The following PLCH2 variants were observed in gnomAD, a reference collection of about 807,000 sequenced individuals.
PLCH2 encodes 1-phosphatidylinositol 4,5-bisphosphate phosphodiesterase eta-2.
A neutral mutation model predicts 134.7 loss-of-function variants in PLCH2; 98 were observed. The ratio of observed to expected loss-of-function variants is 0.73; its 90% CI spans 0.62 to 0.86. PLCH2 has a LOEUF of 0.86. PLCH2 is among the 40% of genes least tolerant of loss of function. The pLI, the probability that PLCH2 is intolerant of heterozygous loss-of-function variation, is 0.00. For synonymous variants in PLCH2, 974 were observed against 827.5 expected (o/e 1.18, Z -3.04); for missense variants, 1,994 against 1,986.6 (o/e 1.00, Z -0.07).
At chr1:2,472,754 C>G (rs554160796), upstream of PLCH2, among the ~76,000 whole-genome samples, 6 of 152,236 alleles carry the variant, frequency 3.9e-5, no homozygotes, top group Admixed American at 3.9e-4. Context: ...GGCTTAGAGG[C>G]AGCCAGGGCC....
chr1:2,480,590 A>G (rs937242271), intron 4 of PLCH2, among the ~76,000 whole-genome samples: 2 of 151,778 alleles, frequency 1.3e-5, no homozygotes, highest in Non-Finnish European at 2.9e-5. Context: ...CACCTGGCAC[A>G]GGCCCTGCCA....
intron 4 of PLCH2, among the ~76,000 whole-genome samples, chr1:2,483,103 T>C (rs1642064764): frequency 6.6e-6 from 1 of 152,154 alleles, no homozygotes; most frequent in South Asian, 2.1e-4. Context: ...AGACTACTGC[T>C]GTGGTGGATG....
intron 19 of PLCH2, 129 bp from the exon 20 acceptor site, chr1:2,499,512 A>T: frequency 1.3e-6 from 1 of 755,592 alleles, no homozygotes; most frequent in Non-Finnish European, 2.2e-6. Context: ...CACAGGAGGC[A>T]GAGGCCCCAG....
intron 16 of PLCH2, chr1:2,497,859 C>G (rs1381813411): frequency 2.1e-6 from 1 of 471,534 alleles, no homozygotes; most frequent in Non-Finnish European, 3.8e-6. Context: ...AACTGGGGAG[C>G]CTGGGCCCCA....
At chr1:2,496,269 ATAGCGATTC>A (rs1341000600) in intron 13 of PLCH2, among the ~76,000 whole-genome samples, 1 of 151,990 alleles carries the variant, frequency 6.6e-6, no homozygotes, top group East Asian at 1.9e-4. Context: ...TCCTCTCCAC[ATAGCGATTC>A]TAGGCCAGAC....
At position 2,495,538 on chromosome 1, in the gene PLCH2, G is replaced by C; in HGVS notation, c.1803G>C (p.Glu601Asp). 6.4e-7 allele frequency: 1 copy of C among 1,551,620 alleles called. No homozygotes were observed. Among genetic ancestry groups the C allele is most frequent in the Non-Finnish European group, 8.7e-7 (1 of 1,147,074 alleles). Residue 601 changes from glutamate to aspartate, a missense_variant, in exon 13 of 22, where the codon GAG (glutamate) becomes GAC (aspartate). Around this residue, in one of 2 missense-constraint regions of PLCH2, gnomAD observed 1,094 missense variants for 1,234.3 expected, o/e 0.89. Coordinates refer to ENST00000378486, the MANE Select transcript of PLCH2 (RefSeq NM_014638.4). ...CGGCCAGCGTGGAGGAGGGAGATGA[G>C]GGTCAGGACTCCCCGGGAGGCCAGA... ...KKAASVEEGD[E>D]GQDSPGGQSR...
At chr1:2,468,548 C>T (rs1469591076) in intron 1 of PLCH2, among the ~76,000 whole-genome samples, 3 of 129,006 alleles carry the variant, frequency 2.3e-5, no homozygotes, top group African/African-American at 1.1e-4. Context: ...CCAAACACAG[C>T]GCTAGCTCTG....
At chr1:2,496,105 T>TC (rs1642868912) in intron 13 of PLCH2, among the ~76,000 whole-genome samples, 1 of 151,132 alleles carries the variant, frequency 6.6e-6, no homozygotes, top group Non-Finnish European at 1.5e-5. Context: ...CTCACTTCCA[T>TC]CCCCCAATGG....
At chr1:2,433,193 G>A (rs186817925) in intron 2 of PLCH2, among the ~76,000 whole-genome samples, 2 of 152,332 alleles carry the variant, frequency 1.3e-5, no homozygotes, top group African/African-American at 2.4e-5. Flanking sequence ...ATTGGCTCCC[G>A]GCCCCCGCTG....
intron 1 of PLCH2, among the ~76,000 whole-genome samples, chr1:2,429,288 C>T (rs1232276736): frequency 1.3e-5 from 2 of 152,176 alleles, no homozygotes; most frequent in African/African-American, 4.8e-5. Flanking sequence ...GTTTGAGGGC[C>T]CAGGACTCCT....
intron 2 of PLCH2, among the ~76,000 whole-genome samples, chr1:2,438,930 G>A (rs1054015401): frequency 2.0e-5 from 3 of 152,182 alleles, no homozygotes; most frequent in Non-Finnish European, 2.9e-5. Flanking sequence ...CCACTTCGCC[G>A]GCGTGGGCTG....
At chr1:2,501,718 C>T (rs1643235568) in intron 20 of PLCH2, 1 of 201,254 alleles carries the variant, frequency 5.0e-6, no homozygotes, top group Non-Finnish European at 9.9e-6. Context: ...CCTGCTAGCG[C>T]CGGGGGCTGC....
intron 11 of PLCH2, among the ~76,000 whole-genome samples, chr1:2,492,798 G>C (rs1219133381): frequency 1.3e-5 from 2 of 152,144 alleles, no homozygotes; most frequent in Non-Finnish European, 2.9e-5. Flanking sequence ...TGTCCCCCTG[G>C]GGTAGCCGGT....
At chr1:2,484,417 G>T in intron 4 of PLCH2, 31 bp from the exon 5 acceptor site, 1 of 1,610,774 alleles carries the variant, frequency 6.2e-7, no homozygotes, top group Non-Finnish European at 8.5e-7. Flanking sequence ...TGGTCGAGGT[G>T]CCAATGGGGA....
At chr1:2,420,140 A>G in the PLCH2 span, among the ~76,000 whole-genome samples, 1 of 151,970 alleles carries the variant, frequency 6.6e-6, no homozygotes. Context: ...TGCTGAGTTA[A>G]GGACTCAGAC....
At chr1:2,490,186 A>G (rs559048274) in intron 10 of PLCH2, among the ~76,000 whole-genome samples, 1 of 151,708 alleles carries the variant, frequency 6.6e-6, no homozygotes, top group South Asian at 2.1e-4. Flanking sequence ...CCCACGCCAG[A>G]CTCCACCCCA....
intron 2 of PLCH2, among the ~76,000 whole-genome samples, chr1:2,442,910 C>G (rs1639754759): frequency 6.6e-6 from 1 of 152,370 alleles, no homozygotes; most frequent in South Asian, 2.1e-4. Context: ...CCCGCCTCCT[C>G]CTTCATGGCT....
Position 2,504,492 on chromosome 1 carries a change from T to TG in PLCH2, c.3533dup (p.Arg1179ThrfsTer39), listed in dbSNP as rs1643425455. ...CGTGAGAACCTCGCTGGAGCCCACA[T>TG]GGGACGCCTGCCCCCCAGGCCCCAC... is the stretch of plus-strand genomic sequence containing the variant. On this transcript the variant is annotated frameshift_variant, in exon 22 of 22. Coordinates refer to ENST00000378486, the MANE Select transcript of PLCH2 (RefSeq NM_014638.4). LOFTEE classifies it high-confidence loss of function. 1 of 1,612,182 alleles carries TG rather than the reference T, an allele frequency of 6.2e-7. No homozygotes were observed. The highest frequency in any genetic ancestry group is 1.3e-5 in the African/African-American group (1 of 74,870).
intron 2 of PLCH2, among the ~76,000 whole-genome samples, chr1:2,434,136 G>A (rs540639050): frequency 7.9e-5 from 12 of 152,382 alleles, no homozygotes; most frequent in Admixed American, 1.3e-4. Flanking sequence ...TATGTGCACC[G>A]AGCTCTTTGA....
Sources: gnomAD v4.1 joint callset for allele counts (sites outside exome capture counted in the v4.1 genomes callset) on GRCh38, gnomAD v4.1.1 for gene constraint, gnomAD v4.1.1 regional missense constraint, MANE v1.5 for transcripts, NCBI Gene and HGNC (gene_info 2026-07-23, HGNC 2026-07-21) for gene names.